The following GLRX3 variants were observed in gnomAD, a reference collection of about 807,000 sequenced individuals.
GLRX3 encodes the protein glutaredoxin 3.
In GLRX3, 22 loss-of-function variants were observed where a neutral mutation model predicts 49.5. The observed-to-expected ratio is 0.44, with a 90% CI of 0.32 to 0.63. The LOEUF (loss-of-function observed/expected upper bound fraction) is 0.63. Among genes scored for constraint, GLRX3 ranks in the 30% least tolerant of loss-of-function variants. GLRX3 has a pLI of 0.05. For missense variants in GLRX3, 385 were observed against 396.3 expected, an observed-to-expected ratio of 0.97 and a Z score of 0.24; for synonymous variants, 133 against 140.0, an observed-to-expected ratio of 0.95 and a Z score of 0.35.
chr10:130,169,381 G>A lies in GLRX3; in HGVS notation c.714-52G>A, dbSNP rs185568610. 2.7e-3 allele frequency: 2,848 copies of A among 1,058,576 alleles called. 9 individuals are homozygous for A. The highest frequency in any genetic ancestry group is 3.5e-3 in the South Asian group (276 of 79,332). 65.6% of individuals were successfully genotyped at this position (1,058,576 alleles called of 1,614,324 possible). A position where few individuals can be genotyped will look rare whatever the true frequency, so the allele number is the denominator to read the frequency against. On this transcript the variant is annotated intron_variant, in intron 6 of 10. Coordinates refer to ENST00000331244, the MANE Select transcript of GLRX3 (RefSeq NM_006541.5). ...ATGTTACTCACGAAGCGGAGGAAAA[G>A]TGGTGTTGCATAATTGAGCTGAGCC...
chr10:130,136,463 G>A lies in GLRX3; in HGVS notation c.43G>A (p.Glu15Lys), dbSNP rs1271796845. Residue 15 changes from glutamate to lysine, a missense_variant, in exon 1 of 11, where the codon GAG becomes AAG. Coordinates refer to ENST00000331244, the MANE Select transcript of GLRX3 (RefSeq NM_006541.5). Reference sequence around the variant, plus strand: ...TGAGGCAGCTGTAGCGGCCGTGGAGGAGGTCGGCTCAGCCGGGCAGTTTGA... The same window carrying A: ...TGAGGCAGCTGTAGCGGCCGTGGAGAAGGTCGGCTCAGCCGGGCAGTTTGA... ...AAEAAVAAVE[E>K]VGSAGQFEEL... is the part of the protein sequence containing the mutation. The A allele has an allele frequency of 7.9e-7, 1 of 1,265,666 alleles. No homozygotes were observed. Among genetic ancestry groups the A allele is most frequent in the Non-Finnish European group, 1.0e-6 (1 of 999,522 alleles). The allele number at this position is 1,265,666 out of a possible 1,614,324, so 78.4% of individuals were successfully genotyped here.
rs1862807050 is a variant in GLRX3 at position 130,171,477 on chromosome 10, G to A, written c.772-107G>A. ...CTCTGGGAGCTGAGTGAAAGTAGTG[G>A]CAGCTATGCTGGACAAGTGCTGTGC... On this transcript the variant is annotated intron_variant, in intron 7 of 10. Coordinates refer to ENST00000331244, the MANE Select transcript of GLRX3 (RefSeq NM_006541.5). 1.4e-5 allele frequency: 10 copies of A among 724,964 alleles called. No homozygotes were observed. In the Middle Eastern group the frequency reaches 7.3e-4, roughly 53 times the overall value. 44.9% of individuals were successfully genotyped at this position (724,964 alleles called of 1,614,324 possible). A position where few individuals can be genotyped will look rare whatever the true frequency, so the allele number is the denominator to read the frequency against.
intron 1 of GLRX3, among the ~76,000 whole-genome samples, chr10:130,138,359 C>A (rs559385157): frequency 3.0e-4 from 46 of 152,246 alleles, no homozygotes; most frequent in African/African-American, 1.1e-3. Flanking sequence ...GTGACCTGCC[C>A]TGTTGATCTA....
rs555840717 is a variant in GLRX3, at chr10:130,146,964, T to G, written c.201+1645T>G. Among the ~76,000 whole-genome samples, 5 of 152,350 alleles carry G rather than the reference T, an allele frequency of 3.3e-5. No individual in the cohort carries two copies. In the East Asian group the frequency reaches 9.6e-4, roughly 29 times the overall value. On this transcript the variant is annotated intron_variant, in intron 2 of 10. Coordinates refer to ENST00000331244, the MANE Select transcript of GLRX3 (RefSeq NM_006541.5). ...TCCAAACAGTGTAGAAAGATGTCCG[T>G]TGAGAAGGCCCACCCCGTTCCTCTG...
chr10:130,166,546 A>T lies in GLRX3; in HGVS notation c.518A>T (p.Asn173Ile). The T allele has an allele frequency of 1.9e-6, 3 of 1,613,446 alleles. No individual in the cohort carries two copies. Among genetic ancestry groups the T allele is most frequent in the Non-Finnish European group, 2.5e-6 (3 of 1,179,442 alleles). ...KQMVEILHKH[N>I]IQFSSFDIFS... ...ATGGTGGAAATTCTTCACAAACATA[A>T]TATTCAGTTTAGCAGTTTTGATATC... The change falls in exon 5 of 11, where the codon AAT (asparagine) becomes ATT (isoleucine). Residue 173 changes from asparagine (N) to isoleucine (I), a missense_variant. This residue lies in a region of GLRX3 where 374 missense variants were observed against 358.6 expected (regional missense o/e 1.04). Coordinates refer to ENST00000331244, the MANE Select transcript of GLRX3 (RefSeq NM_006541.5).
At position 130,166,548 on chromosome 10, in the gene GLRX3, A is replaced by G. The variant is rs753902179; in HGVS notation, c.520A>G (p.Ile174Val). 1.4e-5 allele frequency: 22 copies of G among 1,613,226 alleles called. No homozygotes were observed. Among genetic ancestry groups the G allele is most frequent in the Non-Finnish European group, 1.9e-5 (22 of 1,179,340 alleles). ...GGTGGAAATTCTTCACAAACATAAT[A>G]TTCAGTTTAGCAGTTTTGATATCTT... Reference protein sequence around the residue: ...QMVEILHKHNIQFSSFDIFSD... With the variant: ...QMVEILHKHNVQFSSFDIFSD... The change falls in exon 5 of 11, where the codon ATT (isoleucine) becomes GTT (valine). Residue 174 changes from isoleucine (I) to valine (V), a missense_variant. Ile to Val is a conservative substitution (Grantham distance 29, BLOSUM62 3). Transcript: ENST00000331244.
Position 130,145,290 on chromosome 10 carries a change from A to G in GLRX3, c.172A>G (p.Lys58Glu), listed in dbSNP as rs1468370847. Residue 58 changes from lysine to glutamate, a missense_variant, in exon 2 of 11, where the codon AAA becomes GAA. Around this residue, in one of 2 missense-constraint regions of GLRX3, gnomAD observed 374 missense variants for 358.6 expected, o/e 1.04. Transcript: ENST00000331244. ...QMNEVMAELA[K>E]ELPQVSFVKL... ...GAACGAAGTTATGGCAGAGTTAGCT[A>G]AAGAACTCCCTCAAGTTTCATTTGT... The G allele has an allele frequency of 2.6e-6, 4 of 1,514,612 alleles. No homozygotes were observed. Among genetic ancestry groups the G allele is most frequent in the African/African-American group, 1.4e-5 (1 of 73,102 alleles). The allele number at this position is 1,514,612 out of a possible 1,614,324, so 93.8% of individuals were successfully genotyped here. A position where few individuals can be genotyped will look rare whatever the true frequency, so the allele number is the denominator to read the frequency against.
chr10:130,137,612 G>A (rs563001023), intron 1 of GLRX3, among the ~76,000 whole-genome samples: 35 of 152,204 alleles, frequency 2.3e-4, no homozygotes, highest in Admixed American at 7.9e-4. Flanking sequence ...AGGGTTAAAT[G>A]AGATGACGTA....
At chr10:130,166,891 A>T (rs748888201) in intron 5 of GLRX3, 28 bp from the exon 6 acceptor site, 3 of 1,468,894 alleles carry the variant, frequency 2.0e-6, no homozygotes, top group Non-Finnish European at 2.8e-6. Flanking sequence ...AATTTTTTTC[A>T]TAAAACTGGT....
chr10:130,176,774 T>TC lies in GLRX3; in HGVS notation c.957+1685_957+1686insC, dbSNP rs374416663. ...CTTCCCTCCCTCCCTCCCTCCCTCTTTCTCTCTCTCTCTCTCTCTATATAT... is the reference window on the plus strand; with the variant it reads ...CTTCCCTCCCTCCCTCCCTCCCTCTTCTCTCTCTCTCTCTCTCTCTATATAT... On this transcript the variant is annotated intron_variant, in intron 10 of 10. Coordinates refer to ENST00000331244, the MANE Select transcript of GLRX3 (RefSeq NM_006541.5). Among the ~76,000 whole-genome samples, 516 of 110,974 alleles carry TC rather than the reference T, an allele frequency of 4.6e-3. 3 individuals carry two copies. Among genetic ancestry groups the TC allele is most frequent in the African/African-American group, 0.018 (470 of 26,774 alleles). 72.8% of individuals were successfully genotyped at this position (110,974 alleles called of 152,430 possible). A position where few individuals can be genotyped will look rare whatever the true frequency, so the allele number is the denominator to read the frequency against.
intron 2 of GLRX3, among the ~76,000 whole-genome samples, chr10:130,152,236 C>T (rs1047805180): frequency 6.6e-5 from 10 of 152,142 alleles, no homozygotes; most frequent in Admixed American, 3.3e-4. Context: ...CCAGGCTGGT[C>T]TCAAACTCCT....
chr10:130,162,613 A>C (rs1042077700), intron 4 of GLRX3, among the ~76,000 whole-genome samples: 2 of 152,228 alleles, frequency 1.3e-5, no homozygotes, highest in African/African-American at 4.8e-5. Context: ...ATGTGGGTGA[A>C]GCACACCTAC....
At chr10:130,162,125 C>T (rs1343108336) in intron 4 of GLRX3, among the ~76,000 whole-genome samples, 1 of 152,112 alleles carries the variant, frequency 6.6e-6, no homozygotes, top group Non-Finnish European at 1.5e-5. Flanking sequence ...TTACAGGTGT[C>T]CACCACCATG....
At chr10:130,140,953 A>T (rs1384261677) in intron 1 of GLRX3, among the ~76,000 whole-genome samples, 1 of 152,186 alleles carries the variant, frequency 6.6e-6, no homozygotes, top group Admixed American at 6.5e-5. Flanking sequence ...TGTGTAAGAA[A>T]TTTCTGAAAG....
rs1862700995 is a variant in GLRX3 at position 130,166,850 on chromosome 10, A to C, written c.652-69A>C. 4.7e-6 allele frequency: 5 copies of C among 1,058,816 alleles called. No homozygotes were observed. The South Asian group carries it at 6.8e-5, about 14-fold the overall frequency. The allele number at this position is 1,058,816 out of a possible 1,614,324, so 65.6% of individuals were successfully genotyped here. A position where few individuals can be genotyped will look rare whatever the true frequency, so the allele number is the denominator to read the frequency against. On this transcript the variant is annotated intron_variant, in intron 5 of 10. Coordinates refer to ENST00000331244, the MANE Select transcript of GLRX3 (RefSeq NM_006541.5). ...AGTTGATTGATCAATAATCTGTGTTATGGTATGATCAAGGAGATTTATGTT... is the reference window on the plus strand; with the variant it reads ...AGTTGATTGATCAATAATCTGTGTTCTGGTATGATCAAGGAGATTTATGTT...
intron 4 of GLRX3, among the ~76,000 whole-genome samples, chr10:130,166,226 T>C (rs1177468464): frequency 6.6e-6 from 1 of 151,744 alleles, no homozygotes; most frequent in African/African-American, 2.4e-5. Context: ...AGAATAACTT[T>C]AATAAATACA....
chr10:130,160,124 C>T, intron 3 of GLRX3, 55 bp downstream of exon 3: 1 of 1,053,348 alleles, frequency 9.5e-7, no homozygotes, highest in Non-Finnish European at 1.5e-6. Flanking sequence ...CATGGGGCTA[C>T]CTATTTTGTT....
intron 1 of GLRX3, among the ~76,000 whole-genome samples, chr10:130,138,782 T>C (rs1862115252): frequency 1.3e-5 from 2 of 152,086 alleles, no homozygotes; most frequent in Non-Finnish European, 2.9e-5. Flanking sequence ...TTTGTCTGTT[T>C]TACATGTTTG....
Position 130,166,407 on chromosome 10 carries a change from T to A in GLRX3, c.479-100T>A, listed in dbSNP as rs948999383. ...TCACCAGCAAAATAAGGCAGGCGTC[T>A]ATGTCTTTTAGATGATATGTACGCT... On this transcript the variant is annotated intron_variant, in intron 4 of 10. Coordinates refer to ENST00000331244, the MANE Select transcript of GLRX3 (RefSeq NM_006541.5). 7.7e-5 allele frequency: 59 copies of A among 762,998 alleles called. No individual in the cohort carries two copies. The African/African-American group carries it at 9.5e-4, about 12-fold the overall frequency. The allele number at this position is 762,998 out of a possible 1,614,324, so 47.3% of individuals were successfully genotyped here. A position where few individuals can be genotyped will look rare whatever the true frequency, so the allele number is the denominator to read the frequency against.
Sources: allele counts gnomAD v4.1 joint callset (sites outside exome capture counted in the v4.1 genomes callset), GRCh38; gene constraint gnomAD v4.1.1; regional missense constraint gnomAD v4.1.1; transcripts MANE v1.5; gene names NCBI Gene and HGNC (gene_info 2026-07-23, HGNC 2026-07-21).